The following MAGI2 variants were observed in gnomAD, a reference collection of about 807,000 sequenced individuals.
MAGI2 encodes membrane-associated guanylate kinase, WW and PDZ domain-containing protein 2.
In MAGI2, 35 loss-of-function variants were observed where a neutral mutation model predicts 133.3. That is an observed-to-expected ratio of 0.26 (90% CI 0.20 to 0.35). The LOEUF (loss-of-function observed/expected upper bound fraction) is 0.35. MAGI2 is among the 10% of genes least tolerant of loss of function. The pLI, the probability that MAGI2 is intolerant of heterozygous loss-of-function variation, is 1.00. For missense variants in MAGI2, 1,636 were observed against 1,863.4 expected, an observed-to-expected ratio of 0.88 and a Z score of 2.25; for synonymous variants, 729 against 710.6, an observed-to-expected ratio of 1.03 and a Z score of -0.41.
chr7:78,929,446 C>G (rs888197937), intron 2 of MAGI2, among the ~76,000 whole-genome samples: 8 of 152,028 alleles, frequency 5.3e-5, no homozygotes, highest in African/African-American at 1.9e-4. Context: ...TCTTACATTT[C>G]TGGAGATCAG....
chr7:78,105,415 G>A (rs920158226), intron 20 of MAGI2, among the ~76,000 whole-genome samples: 3 of 152,072 alleles, frequency 2.0e-5, no homozygotes, highest in African/African-American at 7.2e-5. Flanking sequence ...CTTCAACTTT[G>A]CAAAATAATG....
intron 2 of MAGI2, among the ~76,000 whole-genome samples, chr7:78,836,924 G>A (rs1378142013): frequency 6.6e-6 from 1 of 152,134 alleles, no homozygotes; most frequent in African/African-American, 2.4e-5. Flanking sequence ...CGTACTTTGT[G>A]TTTACATAGG....
At chr7:78,729,786 T>C (rs932108311) in intron 2 of MAGI2, among the ~76,000 whole-genome samples, 3 of 152,218 alleles carry the variant, frequency 2.0e-5, no homozygotes, top group African/African-American at 7.2e-5. Flanking sequence ...ATTGGCTTTC[T>C]ACGTAGATCT....
Position 78,070,474 on chromosome 7 carries a change from ATATATATGTGTGTG to A in MAGI2, c.3706+8459_3706+8472del, listed in dbSNP as rs1232043509. The stretch of plus-strand genomic sequence containing the variant: ...TATATGTGTGTGTATATATGTGTGT[ATATATATGTGTGTG>A]TATATATGTGTGTGTATATATATGT... On this transcript the variant is annotated intron_variant, in intron 21 of 21. Transcript: ENST00000354212. Among the ~76,000 whole-genome samples the A allele has an allele frequency of 3.4e-3, 501 of 145,912 alleles. 2 individuals carry two copies. Among genetic ancestry groups the A allele is most frequent in the Non-Finnish European group, 6.0e-3 (405 of 67,080 alleles).
chr7:78,058,863 T>C (rs2151129755), intron 21 of MAGI2, among the ~76,000 whole-genome samples: 1 of 152,360 alleles, frequency 6.6e-6, no homozygotes, highest in Admixed American at 6.5e-5. Context: ...GGCATCACTT[T>C]AGAATTTTCC....
intron 2 of MAGI2, among the ~76,000 whole-genome samples, chr7:79,002,481 C>T (rs1189496430): frequency 6.6e-6 from 1 of 152,076 alleles, no homozygotes; most frequent in Non-Finnish European, 1.5e-5. Context: ...TGCATGCATA[C>T]TCATGCTCTC....
intron 3 of MAGI2, among the ~76,000 whole-genome samples, chr7:78,577,707 G>T (rs1450793149): frequency 1.3e-5 from 2 of 152,028 alleles, no homozygotes; most frequent in Non-Finnish European, 2.9e-5. Flanking sequence ...TTTGAGCCAG[G>T]ATGAGCCAGG....
chr7:78,272,054 C>G (rs998240310), intron 9 of MAGI2, among the ~76,000 whole-genome samples: 1 of 152,142 alleles, frequency 6.6e-6, no homozygotes, highest in Non-Finnish European at 1.5e-5. Flanking sequence ...GATTTTAGAT[C>G]TTTCTTGCTT....
chr7:79,196,377 C>T (rs765757909), intron 1 of MAGI2, among the ~76,000 whole-genome samples: 3 of 151,960 alleles, frequency 2.0e-5, no homozygotes, highest in Non-Finnish European at 2.9e-5. Context: ...CCTTGCCCCT[C>T]TCTGATTTCA....
chr7:78,500,677 T>G (rs1794542282), intron 5 of MAGI2, among the ~76,000 whole-genome samples: 1 of 152,196 alleles, frequency 6.6e-6, no homozygotes. Context: ...ACAGTTTCCT[T>G]AGCAAGTCAT....
intron 1 of MAGI2, among the ~76,000 whole-genome samples, chr7:79,313,457 C>CCT (rs766760625): frequency 3.6e-4 from 55 of 150,774 alleles, no homozygotes; most frequent in South Asian, 1.7e-3. Flanking sequence ...CTCCCCTCTC[C>CCT]CTCTCTCTCT....
intron 1 of MAGI2, among the ~76,000 whole-genome samples, chr7:79,269,198 C>T (rs1362534426): frequency 6.6e-6 from 1 of 152,102 alleles, no homozygotes; most frequent in Admixed American, 6.5e-5. Context: ...TGAAGTCCTA[C>T]CAAGATAGAA....
Position 78,521,416 on chromosome 7 carries a change from T to C in MAGI2, c.754+14A>G. The C allele has an allele frequency of 6.2e-7, 1 of 1,606,626 alleles. No homozygotes were observed. The highest frequency in any genetic ancestry group is 8.5e-7 in the Non-Finnish European group (1 of 1,174,304). On this transcript the variant is annotated intron_variant, in intron 4 of 21. Transcript: ENST00000354212. The stretch of plus-strand genomic sequence containing the variant: ...AGTAAATTTATGAAGCCATAAAAAA[T>C]GTAAATGACTAACCTGGTGTTACTA...
At chr7:78,627,272 C>A in intron 2 of MAGI2, 33 bp from the exon 3 acceptor site, 1 of 1,489,956 alleles carries the variant, frequency 6.7e-7, no homozygotes, top group Non-Finnish European at 8.9e-7. Flanking sequence ...AAAAGAAAGA[C>A]GCTAAGTGAT....
chr7:78,826,267 C>T (rs1226012713), intron 2 of MAGI2, among the ~76,000 whole-genome samples: 1 of 148,360 alleles, frequency 6.7e-6, no homozygotes, highest in Non-Finnish European at 1.5e-5. Context: ...GGCAGGAGAA[C>T]GGCATGAACC....
At chr7:78,247,624 T>G (rs1044943154) in intron 10 of MAGI2, among the ~76,000 whole-genome samples, 1 of 151,942 alleles carries the variant, frequency 6.6e-6, no homozygotes, top group Non-Finnish European at 1.5e-5. Flanking sequence ...AATAGAAATC[T>G]TGGAGCTGAA....
intron 6 of MAGI2, among the ~76,000 whole-genome samples, chr7:78,459,205 G>C (rs1789692177): frequency 6.6e-6 from 1 of 152,138 alleles, no homozygotes; most frequent in Non-Finnish European, 1.5e-5. Flanking sequence ...ATATGGCAAG[G>C]CAACTTTTGA....
At chr7:78,796,399 A>T (rs1787615831) in intron 2 of MAGI2, among the ~76,000 whole-genome samples, 1 of 152,126 alleles carries the variant, frequency 6.6e-6, no homozygotes, top group African/African-American at 2.4e-5. Flanking sequence ...AACATCACTA[A>T]TCATCAGGTA....
intron 2 of MAGI2, among the ~76,000 whole-genome samples, chr7:78,727,760 G>A (rs754435952): frequency 1.3e-5 from 2 of 152,118 alleles, no homozygotes; most frequent in Non-Finnish European, 2.9e-5. Context: ...TTGGTTAGTC[G>A]CTAATAAAGT....
Sources: allele counts gnomAD v4.1 joint callset (sites outside exome capture counted in the v4.1 genomes callset), GRCh38; gene constraint gnomAD v4.1.1; transcripts MANE v1.5; gene names NCBI Gene and HGNC (gene_info 2026-07-23, HGNC 2026-07-21).